Variants in SLC25A36 observed in about 807,000 individuals in gnomAD.
The protein encoded by SLC25A36 is epididymis secretory sperm binding protein.
A neutral mutation model predicts 35.3 loss-of-function variants in SLC25A36; 24 were observed. The ratio of observed to expected loss-of-function variants is 0.68; its 90% CI spans 0.49 to 0.96. The LOEUF is 0.96. Ranked by LOEUF, SLC25A36 falls within the 40% of genes least tolerant of loss-of-function variation. SLC25A36 has a pLI of 0.00. For missense variants in SLC25A36, 294 were observed against 381.1 expected (o/e 0.77, Z 1.90); for synonymous variants, 141 against 132.2 (o/e 1.07, Z -0.46).
At chr3:140,953,676 G>A (rs944374549) in intron 1 of SLC25A36, among the ~76,000 whole-genome samples, 1 of 152,156 alleles carries the variant, frequency 6.6e-6, no homozygotes, top group Admixed American at 6.5e-5. Flanking sequence ...CAGGATATTG[G>A]CTGGGCCTAG....
chr3:140,953,536 G>C (rs1483770746), intron 1 of SLC25A36, among the ~76,000 whole-genome samples: 3 of 152,014 alleles, frequency 2.0e-5, no homozygotes, highest in African/African-American at 7.2e-5. Flanking sequence ...ATTCTTACTG[G>C]TTTTCACATA....
chr3:140,966,326 CT>C, intron 4 of SLC25A36: 1 of 330,732 alleles, frequency 3.0e-6, no homozygotes, highest in Admixed American at 3.4e-5. Flanking sequence ...TGTAAACATT[CT>C]TCCTGTTTTT....
Position 140,979,231 on chromosome 3 carries a change from G to A in SLC25A36, c.*2778G>A, listed in dbSNP as rs183844766. On this transcript the variant is annotated 3_prime_UTR_variant, in exon 7 of 7. Coordinates refer to ENST00000324194, the MANE Select transcript of SLC25A36 (RefSeq NM_001104647.3). The stretch of plus-strand genomic sequence containing the variant: ...ATTATCTGTGAGATAGCATTACTAT[G>A]TTAGGACCAGCAGAGTTTGGGTTGG... 6.6e-6 allele frequency: 1 copy of A among 152,156 alleles called. No homozygotes were observed. Among genetic ancestry groups the A allele is most frequent in the African/African-American group, 2.4e-5 (1 of 41,450 alleles). 9.4% of individuals were successfully genotyped at this position (152,156 alleles called of 1,614,324 possible).
chr3:140,968,622 CA>C (rs1390705513), intron 4 of SLC25A36: 3 of 953,010 alleles, frequency 3.1e-6, no homozygotes, highest in Admixed American at 6.2e-5. Context: ...TTGTTCCTAA[CA>C]ACATTTATAA....
intron 4 of SLC25A36, among the ~76,000 whole-genome samples, chr3:140,969,356 T>C (rs1428428174): frequency 2.6e-5 from 4 of 151,898 alleles, no homozygotes; most frequent in Non-Finnish European, 5.9e-5. Flanking sequence ...CTCAACACTT[T>C]AAATTTTATC....
chr3:140,943,965 A>G (rs1934095417), intron 1 of SLC25A36, among the ~76,000 whole-genome samples: 1 of 140,120 alleles, frequency 7.1e-6, no homozygotes, highest in African/African-American at 3.2e-5. Flanking sequence ...CCTCCCCCCC[A>G]GTCTAGCATA....
rs548460595 is a variant in SLC25A36, at chr3:140,979,013, A to G, written c.*2560A>G. ...ACATTATTTAGTTTGTTGTACTTTT[A>G]AATTTCAAAGTTCAAATCTGAAGAA... On this transcript the variant is annotated 3_prime_UTR_variant, in exon 7 of 7. Coordinates refer to ENST00000324194, the MANE Select transcript of SLC25A36 (RefSeq NM_001104647.3). The G allele has an allele frequency of 1.1e-4, 17 of 152,258 alleles. No individual in the cohort carries two copies. The highest frequency in any genetic ancestry group is 4.1e-4 in the African/African-American group (17 of 41,562). 9.4% of individuals were successfully genotyped at this position (152,258 alleles called of 1,614,324 possible). A position where few individuals can be genotyped will look rare whatever the true frequency, so the allele number is the denominator to read the frequency against.
At position 140,976,572 on chromosome 3, in the gene SLC25A36, A is replaced by T. The variant is rs1414954099; in HGVS notation, c.*119A>T. ...TAGTTTGGGAACATGTAACTATTCT[A>T]AGTGGAAGTTTTGTTGTAGGAATTA... is the stretch of plus-strand genomic sequence containing the variant. On this transcript the variant is annotated 3_prime_UTR_variant, in exon 7 of 7. Transcript: ENST00000324194. The T allele has an allele frequency of 1.3e-6, 1 of 771,766 alleles. No individual in the cohort carries two copies. 47.8% of individuals were successfully genotyped at this position (771,766 alleles called of 1,614,324 possible). A position where few individuals can be genotyped will look rare whatever the true frequency, so the allele number is the denominator to read the frequency against.
chr3:140,970,270 A>G (rs1244612897), intron 4 of SLC25A36: 1 of 151,892 alleles, frequency 6.6e-6, no homozygotes, highest in Non-Finnish European at 1.5e-5. Context: ...GGAACTTCCA[A>G]TTTGTGACTT....
At chr3:140,969,128 A>G (rs1404669312) in intron 4 of SLC25A36, among the ~76,000 whole-genome samples, 4 of 151,822 alleles carry the variant, frequency 2.6e-5, no homozygotes, top group Admixed American at 2.6e-4. Flanking sequence ...TGATTGCTTT[A>G]AAATATAATT....
chr3:140,966,150 A>T (rs11711131), intron 4 of SLC25A36: 11,406 of 153,034 alleles, frequency 0.075, 536 homozygotes, highest in East Asian at 0.17. Context: ...TTATTTTTCA[A>T]TTTATGTTTT....
chr3:140,959,568 C>A, intron 3 of SLC25A36, 28 bp downstream of exon 3: 26 of 1,099,338 alleles, frequency 2.4e-5, no homozygotes, highest in Middle Eastern at 2.1e-4. Context: ...TTGTTTAAAG[C>A]AAGTTATGGC....
chr3:140,975,090 A>T (rs191565067), intron 6 of SLC25A36, among the ~76,000 whole-genome samples: 2,895 of 70,766 alleles, frequency 0.041, 104 homozygotes, highest in African/African-American at 0.095. Flanking sequence ...GATAAACAAG[A>T]TACATTCTTT....
intron 1 of SLC25A36, among the ~76,000 whole-genome samples, chr3:140,949,747 A>C (rs962462285): frequency 6.6e-6 from 1 of 152,230 alleles, no homozygotes; most frequent in African/African-American, 2.4e-5. Context: ...AGACTTGGCT[A>C]TTCTGTCTTT....
At chr3:140,955,041 G>GT (rs1472344518) in intron 1 of SLC25A36, among the ~76,000 whole-genome samples, 2 of 151,816 alleles carry the variant, frequency 1.3e-5, no homozygotes, top group South Asian at 2.1e-4. Context: ...TAAGGGGCAT[G>GT]TTTTTTATTT....
At chr3:140,945,739 T>TA (rs59896675) in intron 1 of SLC25A36, among the ~76,000 whole-genome samples, 10,486 of 127,720 alleles carry the variant, frequency 0.082, 463 homozygotes, top group East Asian at 0.17. Context: ...TACTTGCAAT[T>TA]AAAAAAAAAA....
chr3:140,969,268 T>TTTTTC (rs1275790934), intron 4 of SLC25A36, among the ~76,000 whole-genome samples: 3 of 151,934 alleles, frequency 2.0e-5, no homozygotes, highest in Admixed American at 6.6e-5. Context: ...TAGTTTCATG[T>TTTTTC]TTTTCTTTTC....
In SLC25A36 at chr3:140,979,472, T is replaced by G. The variant is rs1453771508; in HGVS notation, c.*3019T>G. ...ATCTAGGGACCCCCTTTGGAGCTGA[T>G]AAGTACAGTTCAGCCTTTTCTCCTC... On this transcript the variant is annotated 3_prime_UTR_variant, in exon 7 of 7. Transcript: ENST00000324194. 6.6e-6 allele frequency: 1 copy of G among 152,202 alleles called. No homozygotes were observed. Among genetic ancestry groups the G allele is most frequent in the South Asian group, 2.1e-4 (1 of 4,834 alleles). The allele number at this position is 152,202 out of a possible 1,614,324, so 9.4% of individuals were successfully genotyped here.
At chr3:140,947,520 A>G (rs564206707) in intron 1 of SLC25A36, among the ~76,000 whole-genome samples, 1 of 152,142 alleles carries the variant, frequency 6.6e-6, no homozygotes, top group Non-Finnish European at 1.5e-5. Context: ...AGTCTTGGTT[A>G]CACTGTGCCT....
Sources: gnomAD v4.1 joint callset for allele counts (sites outside exome capture counted in the v4.1 genomes callset) on GRCh38, gnomAD v4.1.1 for gene constraint, MANE v1.5 for transcripts, NCBI Gene and HGNC (gene_info 2026-07-23, HGNC 2026-07-21) for gene names.